The following SLA2 variants were observed in gnomAD, a reference collection of about 807,000 sequenced individuals.
SLA2 encodes Src like adaptor 2.
A neutral mutation model predicts 27.3 loss-of-function variants in SLA2; 22 were observed. The observed-to-expected ratio is 0.81, with a 90% CI of 0.58 to 1.15. SLA2 has a LOEUF of 1.15. SLA2 is among the 50% of genes most tolerant of loss of function. The probability of loss-of-function intolerance (pLI) is 0.00; values close to 1 mark genes in which losing one functional copy is unlikely to be tolerated. For missense variants in SLA2, 304 were observed against 322.2 expected, an observed-to-expected ratio of 0.94 and a Z score of 0.43; for synonymous variants, 131 against 137.8, an observed-to-expected ratio of 0.95 and a Z score of 0.34.
At chr20:36,628,930 A>T (rs1832750735) in intron 5 of SLA2, among the ~76,000 whole-genome samples, 1 of 151,732 alleles carries the variant, frequency 6.6e-6, no homozygotes, top group South Asian at 2.1e-4. Flanking sequence ...AAATTGGCAA[A>T]TTTCTTCTTT....
chr20:36,636,160 G>A (rs553267802), intron 2 of SLA2, among the ~76,000 whole-genome samples: 1,718 of 149,432 alleles, frequency 0.011, 61 homozygotes, highest in African/African-American at 0.042. Context: ...GCTCACGCCT[G>A]TAATCCCAGC....
intron 3 of SLA2, 76 bp from the exon 4 acceptor site, chr20:36,633,705 A>AG (rs1451820202): frequency 7.8e-7 from 1 of 1,276,462 alleles, no homozygotes; most frequent in African/African-American, 1.5e-5. Context: ...AGGGCTTGCA[A>AG]GGACCCTCTC....
chr20:36,625,659 C>G (rs1258295592), intron 5 of SLA2, among the ~76,000 whole-genome samples: 1 of 151,902 alleles, frequency 6.6e-6, no homozygotes, highest in Non-Finnish European at 1.5e-5. Context: ...GAGTGAGATC[C>G]TGTCTCTACA....
chr20:36,617,627 G>A (rs1359538498), intron 5 of SLA2, among the ~76,000 whole-genome samples: 1 of 152,110 alleles, frequency 6.6e-6, no homozygotes, highest in Non-Finnish European at 1.5e-5. Flanking sequence ...GGAGGCCAAG[G>A]CAGGCGGATC....
Position 36,612,477 on chromosome 20 carries a change from A to G in SLA2, c.*1389T>C. 1 of 545,790 alleles carries G rather than the reference A, an allele frequency of 1.8e-6. No individual in the cohort carries two copies. The highest frequency in any genetic ancestry group is 3.2e-5 in the East Asian group (1 of 31,032). The allele number at this position is 545,790 out of a possible 1,614,324, so 33.8% of individuals were successfully genotyped here. On this transcript the variant is annotated 3_prime_UTR_variant, in exon 8 of 8. Coordinates refer to ENST00000262866, the MANE Select transcript of SLA2 (RefSeq NM_032214.4). ...TGGCTGTATGTGCGTGGTCCATAGC[A>G]CAGTACATGCAGCATCTAATAAGAG...
intron 1 of SLA2, among the ~76,000 whole-genome samples, chr20:36,643,446 C>A (rs894652119): frequency 6.6e-6 from 1 of 152,250 alleles, no homozygotes; most frequent in Non-Finnish European, 1.5e-5. Flanking sequence ...ATGCACCTTA[C>A]TCTGGAGGAG....
rs1426396025 is a variant in SLA2, at chr20:36,636,953, A to AC, written c.92-2365dup. Among the ~76,000 whole-genome samples, 223 of 147,002 alleles carry AC rather than the reference A, an allele frequency of 1.5e-3. No individual in the cohort carries two copies. The Middle Eastern group carries it at 0.031, about 20-fold the overall frequency. The stretch of plus-strand genomic sequence containing the variant: ...GCAACACAGCAAGATTCCGTCCCCC[A>AC]CCCCCCCCAAAAAAAGAAAATGTGC... On this transcript the variant is annotated intron_variant, in intron 2 of 7. Coordinates refer to ENST00000262866, the MANE Select transcript of SLA2 (RefSeq NM_032214.4).
At chr20:36,639,385 A>G (rs1249897520) in intron 2 of SLA2, among the ~76,000 whole-genome samples, 1 of 150,048 alleles carries the variant, frequency 6.7e-6, no homozygotes, top group East Asian at 1.9e-4. Flanking sequence ...CAGCTCCTCA[A>G]AAAAAATCTC....
intron 5 of SLA2, among the ~76,000 whole-genome samples, chr20:36,629,759 G>A (rs1429869567): frequency 1.3e-5 from 2 of 152,052 alleles, no homozygotes; most frequent in Non-Finnish European, 2.9e-5. Context: ...AGGCAACAGA[G>A]TGAGACTCTG....
intron 5 of SLA2, 95 bp from the exon 6 acceptor site, chr20:36,615,469 G>C: frequency 6.8e-7 from 1 of 1,466,112 alleles, no homozygotes; most frequent in South Asian, 1.2e-5. Context: ...TGACCATGGG[G>C]CCCCGGCAGA....
At chr20:36,623,507 G>A (rs957390529) in intron 5 of SLA2, among the ~76,000 whole-genome samples, 1 of 152,076 alleles carries the variant, frequency 6.6e-6, no homozygotes, top group Non-Finnish European at 1.5e-5. Context: ...TAAGGAATCT[G>A]CCAAAAAGCT....
At chr20:36,640,690 T>C (rs2039497980) in intron 2 of SLA2, among the ~76,000 whole-genome samples, 1 of 152,116 alleles carries the variant, frequency 6.6e-6, no homozygotes, top group Admixed American at 6.6e-5. Flanking sequence ...CTAATTTTTG[T>C]ATTTTTAGTA....
intron 5 of SLA2, among the ~76,000 whole-genome samples, chr20:36,625,456 T>A (rs566289182): frequency 6.6e-6 from 1 of 152,042 alleles, no homozygotes; most frequent in Admixed American, 6.5e-5. Flanking sequence ...AACTCTGTCC[T>A]CAGGTGATTC....
chr20:36,628,315 C>A (rs6101519), intron 5 of SLA2, among the ~76,000 whole-genome samples: 4,711 of 152,234 alleles, frequency 0.031, 243 homozygotes, highest in African/African-American at 0.11. Flanking sequence ...ACACCTTATA[C>A]AAAATCTGAA....
intron 5 of SLA2, among the ~76,000 whole-genome samples, chr20:36,625,991 ATGG>A (rs1568604587): frequency 9.9e-5 from 15 of 151,722 alleles, no homozygotes; most frequent in African/African-American, 3.6e-4. Flanking sequence ...TGGGCCAGAC[ATGG>A]TGGGTCACGC....
chr20:36,615,661 C>T (rs541919421), intron 5 of SLA2, among the ~76,000 whole-genome samples: 3 of 152,162 alleles, frequency 2.0e-5, no homozygotes, highest in African/African-American at 7.2e-5. Context: ...ACTCAGGTGG[C>T]AGATATGTTA....
chr20:36,631,324 T>A (rs1435421498), intron 5 of SLA2, among the ~76,000 whole-genome samples: 1 of 152,188 alleles, frequency 6.6e-6, no homozygotes, highest in East Asian at 1.9e-4. Flanking sequence ...CACTACATTT[T>A]AAATTTTTTT....
rs1334493343 is a variant in SLA2 at position 36,615,487 on chromosome 20, T to C, written c.383-113A>G. ...CCATGGGGCCCCGGCAGAAGGGAAG[T>C]GTCTGGGGCAGAAGCAGGACAAAGA... On this transcript the variant is annotated intron_variant, in intron 5 of 7. Coordinates refer to ENST00000262866, the MANE Select transcript of SLA2 (RefSeq NM_032214.4). 6 of 1,173,826 alleles carry C rather than the reference T, an allele frequency of 5.1e-6. No homozygotes were observed. The East Asian group carries it at 9.9e-5, about 19-fold the overall frequency. The allele number at this position is 1,173,826 out of a possible 1,614,324, so 72.7% of individuals were successfully genotyped here. A position where few individuals can be genotyped will look rare whatever the true frequency, so the allele number is the denominator to read the frequency against.
intron 2 of SLA2, among the ~76,000 whole-genome samples, chr20:36,636,611 G>GAAAAAA (rs1185102769): frequency 1.8e-3 from 130 of 73,958 alleles, no homozygotes; most frequent in East Asian, 0.012. Flanking sequence ...ATCTCAAAAA[G>GAAAAAA]AAAAAAAAAA....
Sources: gnomAD v4.1 joint callset for allele counts (sites outside exome capture counted in the v4.1 genomes callset) on GRCh38, gnomAD v4.1.1 for gene constraint, MANE v1.5 for transcripts, NCBI Gene and HGNC (gene_info 2026-07-23, HGNC 2026-07-21) for gene names.